TMTC1: variants seen among roughly 807,000 people sequenced by gnomAD.
TMTC1 encodes the protein transmembrane O-mannosyltransferase targeting cadherins 1, also known as protein O-mannosyl-transferase TMTC1.
In TMTC1, 73 loss-of-function variants were observed where a neutral mutation model predicts 104.8. The ratio of observed to expected loss-of-function variants is 0.70; its 90% CI spans 0.58 to 0.85. TMTC1 has a LOEUF of 0.85. Ranked by LOEUF, TMTC1 falls within the 40% of genes least tolerant of loss-of-function variation. TMTC1 has a pLI of 0.00. For synonymous variants in TMTC1, 434 were observed against 428.7 expected, an observed-to-expected ratio of 1.01 and a Z score of -0.15; for missense variants, 1,035 against 1,096.1, an observed-to-expected ratio of 0.94 and a Z score of 0.79.
At chr12:29,668,333 T>C (rs1293455181) in intron 5 of TMTC1, among the ~76,000 whole-genome samples, 1 of 152,192 alleles carries the variant, frequency 6.6e-6, no homozygotes, top group Non-Finnish European at 1.5e-5. Context: ...TGAAGCCTCT[T>C]TTACAAGGGC....
At chr12:29,761,003 C>T (rs1565819955) in intron 2 of TMTC1, among the ~76,000 whole-genome samples, 1 of 146,792 alleles carries the variant, frequency 6.8e-6, no homozygotes, top group African/African-American at 2.5e-5. Flanking sequence ...ATATAATATG[C>T]TCTATCTATA....
intron 9 of TMTC1, among the ~76,000 whole-genome samples, chr12:29,562,816 A>G (rs1190953085): frequency 6.6e-6 from 1 of 152,172 alleles, no homozygotes; most frequent in Non-Finnish European, 1.5e-5. Context: ...CACTACATAC[A>G]TTTAATATTT....
chr12:29,522,906 C>T (rs1256894095), intron 11 of TMTC1, among the ~76,000 whole-genome samples: 1 of 152,142 alleles, frequency 6.6e-6, no homozygotes, highest in Non-Finnish European at 1.5e-5. Context: ...ACACTTAGAA[C>T]AATGCTCAGC....
At position 29,537,018 on chromosome 12, in the gene TMTC1, T is replaced by C. The variant is rs536816797; in HGVS notation, c.1677-701A>G. ...TCATTACCATTTTCTTGGGTAAAAG[T>C]TCTCTTTCCTGTTAAATCCAATGAG... On this transcript the variant is annotated intron_variant, in intron 10 of 17. Coordinates refer to ENST00000539277, the MANE Select transcript of TMTC1 (RefSeq NM_001193451.2). Among the ~76,000 whole-genome samples the C allele has an allele frequency of 2.0e-5, 3 of 152,320 alleles. No homozygotes were observed. The South Asian group carries it at 6.2e-4, about 32-fold the overall frequency.
chr12:29,633,438 A>AAG, intron 5 of TMTC1, 102 bp from the exon 6 acceptor site: 1 of 951,800 alleles, frequency 1.1e-6, no homozygotes, highest in Non-Finnish European at 1.5e-6. Context: ...CTACCCAGTC[A>AAG]ATGTTATCTT....
chr12:29,783,695 C>A lies in TMTC1; in HGVS notation c.57G>T (p.Arg19=), dbSNP rs1167204692. 9 of 1,263,814 alleles carry A rather than the reference C, an allele frequency of 7.1e-6. No homozygotes were observed. The highest frequency in any genetic ancestry group is 8.9e-6 in the Non-Finnish European group (9 of 1,012,142). 78.3% of individuals were successfully genotyped at this position (1,263,814 alleles called of 1,614,324 possible). A position where few individuals can be genotyped will look rare whatever the true frequency, so the allele number is the denominator to read the frequency against. ...CGGCCGGCGCTAGCCCGCAGCCCCG[C>A]CGCCGGGAGGGTGTGCGGTCCCCGC... is the stretch of plus-strand genomic sequence containing the variant. ...GGGGDRTPSR[R]RGCGLAPAGA... Residue 19 remains arginine (R), a synonymous_variant, in exon 1 of 18, where the codon CGG becomes CGT. Transcript: ENST00000539277. The surrounding 1 kb of genome is among the most constrained non-coding windows in gnomAD (Gnocchi z 4.7).
intron 1 of TMTC1, among the ~76,000 whole-genome samples, chr12:29,778,956 G>A (rs1376694614): frequency 6.6e-6 from 1 of 152,176 alleles, no homozygotes; most frequent in Non-Finnish European, 1.5e-5. Flanking sequence ...GGAAGCAAAG[G>A]CAAAATGGAA....
intron 7 of TMTC1, 125 bp from the exon 8 acceptor site, chr12:29,583,699 C>T: frequency 1.2e-6 from 1 of 842,956 alleles, no homozygotes; most frequent in African/African-American, 1.7e-5. Context: ...AATAGAAACT[C>T]CCCTGCCTTG....
intron 5 of TMTC1, among the ~76,000 whole-genome samples, chr12:29,656,319 G>GAGATATATAT (rs71444334): frequency 7.2e-6 from 1 of 139,352 alleles, no homozygotes; most frequent in Non-Finnish European, 1.5e-5. Context: ...AATTTCCCTG[G>GAGATATATAT]ATATATATAT....
At chr12:29,599,359 A>G (rs1240806827) in intron 7 of TMTC1, among the ~76,000 whole-genome samples, 3 of 152,172 alleles carry the variant, frequency 2.0e-5, no homozygotes, top group Non-Finnish European at 1.5e-5. Context: ...GATTATTCCA[A>G]TTTCTTTTGG....
In TMTC1 at chr12:29,682,900, A is replaced by G. The variant is rs1359515396; in HGVS notation, c.939-49564T>C. On this transcript the variant is annotated intron_variant, in intron 5 of 17. Coordinates refer to ENST00000539277, the MANE Select transcript of TMTC1 (RefSeq NM_001193451.2). ...AGAACTATACACACATATTGCATGG[A>G]TGTCAATTTCCTGGTTATGATATTG... 3.3e-5 allele frequency among the ~76,000 whole-genome samples: 5 copies of G among 152,214 alleles called. No individual in the cohort carries two copies. In the East Asian group the frequency reaches 9.6e-4, roughly 29 times the overall value.
chr12:29,581,197 T>C (rs1945970110), intron 8 of TMTC1, among the ~76,000 whole-genome samples: 1 of 152,232 alleles, frequency 6.6e-6, no homozygotes, highest in Non-Finnish European at 1.5e-5. Flanking sequence ...TCATAGATTC[T>C]CAGTAAATGT....
chr12:29,724,285 C>T (rs1942320526), intron 5 of TMTC1, among the ~76,000 whole-genome samples: 1 of 152,154 alleles, frequency 6.6e-6, no homozygotes, highest in African/African-American at 2.4e-5. Flanking sequence ...CATGAACACG[C>T]AAACTCTGCT....
chr12:29,521,201 T>C (rs1447057111), intron 11 of TMTC1: 1 of 157,358 alleles, frequency 6.4e-6, no homozygotes, highest in African/African-American at 2.4e-5. Context: ...TTTATCTATA[T>C]ACTGTACTGC....
rs764539264 is a variant in TMTC1, at chr12:29,751,731, T to G, written c.873A>C (p.Pro291=). 9.3e-6 allele frequency: 15 copies of G among 1,613,970 alleles called. No homozygotes were observed. The highest frequency in any genetic ancestry group is 1.3e-5 in the Non-Finnish European group (15 of 1,180,022). The change falls in exon 5 of 18, where the codon CCA becomes CCC. Residue 291 remains proline (P), a synonymous_variant. Transcript: ENST00000539277. ...HKGAWGGCHS[P]LPPEPKSSGF... is the part of the protein sequence containing the mutation. The stretch of plus-strand genomic sequence containing the variant: ...CACTGCTCTTGGGTTCTGGTGGCAG[T>G]GGAGAGTGGCAGCCACCCCAAGCTC...
At chr12:29,556,765 A>C in intron 10 of TMTC1, 92 bp downstream of exon 10, 1 of 1,510,878 alleles carries the variant, frequency 6.6e-7, no homozygotes, top group Non-Finnish European at 9.0e-7. Context: ...CTCCAGAGAG[A>C]GGCAAGTGCA....
At position 29,512,099 on chromosome 12, in the gene TMTC1, G is replaced by T. The variant is rs770701034; in HGVS notation, c.2452C>A (p.Leu818Ile). Residue 818 changes from leucine (L) to isoleucine (I), a missense_variant, in exon 17 of 18, where the codon CTA (leucine) becomes ATA (isoleucine). Transcript: ENST00000539277. The stretch of plus-strand genomic sequence containing the variant: ...CAGGCCTGTGCTTGGTCTGGGTTTA[G>T]TTGCACAGCCACTCTATAGCTCTAA... The part of the protein sequence containing the change: ...AFESYRVAVQ[L>I]NPDQAQAWMN... 6.2e-7 allele frequency: 1 copy of T among 1,613,960 alleles called. No homozygotes were observed. Among genetic ancestry groups the T allele is most frequent in the Non-Finnish European group, 8.5e-7 (1 of 1,179,936 alleles).
At chr12:29,521,849 T>C (rs888021877) in intron 11 of TMTC1, among the ~76,000 whole-genome samples, 4 of 152,222 alleles carry the variant, frequency 2.6e-5, no homozygotes, top group African/African-American at 7.2e-5. Context: ...ATTACAGGCA[T>C]GAACCACTGC....
At chr12:29,745,459 C>T (rs1942928232) in intron 5 of TMTC1, among the ~76,000 whole-genome samples, 1 of 151,840 alleles carries the variant, frequency 6.6e-6, no homozygotes, top group African/African-American at 2.4e-5. Context: ...CCTGTCTCTA[C>T]TAAAAATACA....
Sources: gnomAD v4.1 joint callset for allele counts (sites outside exome capture counted in the v4.1 genomes callset) on GRCh38, gnomAD v4.1.1 for gene constraint, Gnocchi (gnomAD v3.1) non-coding constraint, MANE v1.5 for transcripts, NCBI Gene and HGNC (gene_info 2026-07-23, HGNC 2026-07-21) for gene names.